Variants in MYBL2 observed in about 807,000 individuals in gnomAD.
MYBL2 encodes the protein myb-related protein B.
In MYBL2, 28 loss-of-function variants were observed where a neutral mutation model predicts 79.9. The ratio of observed to expected loss-of-function variants is 0.35; its 90% CI spans 0.26 to 0.48. MYBL2 has a LOEUF of 0.48. Ranked by LOEUF, MYBL2 falls within the 20% of genes least tolerant of loss-of-function variation. The pLI, the probability that MYBL2 is intolerant of heterozygous loss-of-function variation, is 0.99. For synonymous variants in MYBL2, 378 were observed against 361.2 expected (o/e 1.05, Z -0.53); for missense variants, 735 against 893.9 (o/e 0.82, Z 2.27).
rs1001976719 is a variant in MYBL2 at position 43,711,446 on chromosome 20, G to A, written c.1606-42G>A. ...CCACAGTCCCACACACACACAGCCC[G>A]AGTGTGGTGCCTCACGTGGGCTGCC... is the stretch of plus-strand genomic sequence containing the variant. On this transcript the variant is annotated intron_variant, in intron 10 of 13. Transcript: ENST00000217026. 6.6e-6 allele frequency: 10 copies of A among 1,515,970 alleles called. No homozygotes were observed. In the African/African-American group the frequency reaches 8.2e-5, roughly 12 times the overall value. The allele number at this position is 1,515,970 out of a possible 1,614,324, so 93.9% of individuals were successfully genotyped here. A position where few individuals can be genotyped will look rare whatever the true frequency, so the allele number is the denominator to read the frequency against.
intron 7 of MYBL2, among the ~76,000 whole-genome samples, chr20:43,701,743 G>A (rs900736612): frequency 6.6e-5 from 10 of 152,186 alleles, no homozygotes; most frequent in African/African-American, 2.4e-4. Flanking sequence ...TCTGCAGGCT[G>A]GGTACTGTGG....
chr20:43,705,902 G>A (rs530192226), intron 9 of MYBL2, among the ~76,000 whole-genome samples: 8 of 151,442 alleles, frequency 5.3e-5, no homozygotes, highest in South Asian at 4.2e-4. Flanking sequence ...GGATTTCACC[G>A]TATTAGCCAG....
chr20:43,697,095 G>A (rs1207528976), intron 6 of MYBL2, among the ~76,000 whole-genome samples: 7 of 152,134 alleles, frequency 4.6e-5, no homozygotes, highest in South Asian at 2.1e-4. Flanking sequence ...AAGCATTGCC[G>A]AATTGCTGCC....
intron 1 of MYBL2, 56 bp downstream of exon 1, chr20:43,667,359 C>T (rs1986741888): frequency 8.6e-7 from 1 of 1,169,414 alleles, no homozygotes; most frequent in East Asian, 3.2e-5. Flanking sequence ...TCACCCCTCC[C>T]CCACCCAGAT....
At chr20:43,689,684 G>T (rs950340907) in intron 5 of MYBL2, among the ~76,000 whole-genome samples, 4 of 152,214 alleles carry the variant, frequency 2.6e-5, no homozygotes, top group African/African-American at 9.7e-5. Context: ...CTGCAGAGTA[G>T]TGTGTACCCC....
chr20:43,702,799 T>C lies in MYBL2; in HGVS notation c.1261T>C (p.Ser421Pro), dbSNP rs1470855293. 1 of 1,614,198 alleles carries C rather than the reference T, an allele frequency of 6.2e-7. No homozygotes were observed. Among genetic ancestry groups the C allele is most frequent in the South Asian group, 1.1e-5 (1 of 91,086 alleles). Residue 421 changes from serine (S) to proline (P), a missense_variant, in exon 8 of 14, where the codon TCC becomes CCC. Coordinates refer to ENST00000217026, the MANE Select transcript of MYBL2 (RefSeq NM_002466.4). ...KRQRKRRVAL[S>P]PVTENSTSLS... The stretch of plus-strand genomic sequence containing the variant: ...GCAGAGGAAGAGGCGTGTGGCTCTG[T>C]CCCCTGTCACTGAGAATAGCACCAG...
chr20:43,686,936 C>T lies in MYBL2; in HGVS notation c.364C>T (p.Arg122Cys). Reference sequence around the variant, plus strand: ...GAAGGGCCGGCTGGGGAAGCAGTGCCGTGAACGCTGGCACAACCACCTCAA... The same window carrying T: ...GAAGGGCCGGCTGGGGAAGCAGTGCTGTGAACGCTGGCACAACCACCTCAA... Reference protein sequence around the residue: ...HLKGRLGKQCRERWHNHLNPE... With the variant: ...HLKGRLGKQCCERWHNHLNPE... The change falls in exon 5 of 14, where the codon CGT becomes TGT. Residue 122 changes from arginine (R) to cysteine (C), a missense_variant. By Grantham distance (180) the Arg-to-Cys change is radical. This residue lies in a region of MYBL2 where 65 missense variants were observed against 145.2 expected (regional missense o/e 0.45). Coordinates refer to ENST00000217026, the MANE Select transcript of MYBL2 (RefSeq NM_002466.4). 3 of 1,614,198 alleles carry T rather than the reference C, an allele frequency of 1.9e-6. No homozygotes were observed. The highest frequency in any genetic ancestry group is 1.1e-5 in the South Asian group (1 of 91,078).
chr20:43,715,422 G>A, intron 13 of MYBL2, 139 bp downstream of exon 13: 1 of 1,412,700 alleles, frequency 7.1e-7, no homozygotes, highest in African/African-American at 1.4e-5. Flanking sequence ...CTCTGCCTGG[G>A]TGCTTTTCCT....
In MYBL2 at chr20:43,692,306, C is replaced by G; in HGVS notation, c.650C>G (p.Pro217Arg). The G allele has an allele frequency of 1.9e-6, 3 of 1,614,078 alleles. No homozygotes were observed. The highest frequency in any genetic ancestry group is 1.7e-6 in the Non-Finnish European group (2 of 1,179,960). ...AAGGACGGCCTCCAGAGTGCCCAGC[C>G]CACGGAAGGCCAGGTGAGACAGCTG... is the stretch of plus-strand genomic sequence containing the variant. ...EDKDGLQSAQ[P>R]TEGQGSLLTN... Residue 217 changes from proline to arginine, a missense_variant, in exon 6 of 14, where the codon CCC becomes CGC. Pro to Arg is a moderately radical substitution (Grantham distance 103, BLOSUM62 -2). Coordinates refer to ENST00000217026, the MANE Select transcript of MYBL2 (RefSeq NM_002466.4).
chr20:43,686,344 C>T (rs1987273431), intron 4 of MYBL2, among the ~76,000 whole-genome samples: 1 of 152,134 alleles, frequency 6.6e-6, no homozygotes, highest in South Asian at 2.1e-4. Context: ...CTGGCTAGGT[C>T]AGCCCGCGAT....
intron 5 of MYBL2, among the ~76,000 whole-genome samples, chr20:43,691,795 G>A (rs895170067): frequency 6.6e-6 from 1 of 151,466 alleles, no homozygotes; most frequent in Admixed American, 6.6e-5. Flanking sequence ...CGCCTAGGCC[G>A]CCCAGAGTGC....
intron 9 of MYBL2, among the ~76,000 whole-genome samples, chr20:43,708,266 ATT>A (rs1987833201): frequency 6.6e-6 from 1 of 151,682 alleles, no homozygotes; most frequent in Non-Finnish European, 1.5e-5. Context: ...TGCTTGGCTA[ATT>A]TTTTTGTTTT....
intron 3 of MYBL2, 141 bp downstream of exon 3, chr20:43,681,996 TG>T: frequency 1.3e-6 from 1 of 796,338 alleles, no homozygotes; most frequent in Non-Finnish European, 2.0e-6. Flanking sequence ...ACAGGGCAAA[TG>T]GACCTTTGTA....
intron 1 of MYBL2, 178 bp from the exon 2 acceptor site, chr20:43,673,628 A>G (rs768376675): frequency 4.3e-6 from 3 of 701,618 alleles, no homozygotes; most frequent in African/African-American, 3.5e-5. Flanking sequence ...ACAGAGTGAG[A>G]CCCTGTCTCA....
intron 8 of MYBL2, among the ~76,000 whole-genome samples, 165 bp from the exon 9 acceptor site, chr20:43,705,054 C>A (rs1987749409): frequency 6.6e-6 from 1 of 152,104 alleles, no homozygotes; most frequent in Non-Finnish European, 1.5e-5. Flanking sequence ...ATCGATCTGT[C>A]CCAGTCCTTG....
intron 6 of MYBL2, among the ~76,000 whole-genome samples, chr20:43,696,775 G>A (rs1235326156): frequency 1.3e-5 from 2 of 152,288 alleles, no homozygotes; most frequent in African/African-American, 4.8e-5. Flanking sequence ...TTGCCAGGCT[G>A]GAGTGCAGTG....
chr20:43,687,155 A>G (rs1987296793), intron 5 of MYBL2, 83 bp downstream of exon 5: 4 of 1,404,710 alleles, frequency 2.8e-6, no homozygotes, highest in African/African-American at 1.4e-5. Flanking sequence ...CTGGGTGGGT[A>G]TTGTGGTCCT....
chr20:43,700,001 C>T lies in MYBL2; in HGVS notation c.908C>T (p.Ala303Val), dbSNP rs780175075. The T allele has an allele frequency of 6.2e-7, 1 of 1,614,030 alleles. No individual in the cohort carries two copies. Among genetic ancestry groups the T allele is most frequent in the South Asian group, 1.1e-5 (1 of 91,080 alleles). The change falls in exon 7 of 14, where the codon GCT (alanine) becomes GTT (valine). Residue 303 changes from alanine (A) to valine (V), a missense_variant. Transcript: ENST00000217026. ...GAGGCAGCTAACCTCCTCATCCCTGCTGTGGGTTCTAGCCTCTCTGAAGCC... is the reference window on the plus strand; with the variant it reads ...GAGGCAGCTAACCTCCTCATCCCTGTTGTGGGTTCTAGCCTCTCTGAAGCC... Reference protein sequence around the residue: ...VVEAANLLIPAVGSSLSEALD... With the variant: ...VVEAANLLIPVVGSSLSEALD...
At chr20:43,676,366 C>T (rs996893731) in intron 2 of MYBL2, among the ~76,000 whole-genome samples, 12 of 151,180 alleles carry the variant, frequency 7.9e-5, no homozygotes, top group Non-Finnish European at 1.2e-4. Flanking sequence ...TGAGAATATG[C>T]GGTATTTGGT....
Sources: allele counts gnomAD v4.1 joint callset (sites outside exome capture counted in the v4.1 genomes callset), GRCh38; gene constraint gnomAD v4.1.1; regional missense constraint gnomAD v4.1.1; transcripts MANE v1.5; gene names NCBI Gene and HGNC (gene_info 2026-07-23, HGNC 2026-07-21).